MAP3K15: variants seen among roughly 807,000 people sequenced by gnomAD.
MAP3K15 encodes mitogen-activated protein kinase kinase kinase 15, also known as MAPK/ERK kinase kinase 15.
MAP3K15 carries 124 observed loss-of-function variants against 99.5 expected under a neutral mutation model. The observed-to-expected ratio is 1.25, with a 90% CI of 1.08 to 1.45. The LOEUF is 1.45. MAP3K15 is among the 40% of genes most tolerant of loss of function. The pLI, the probability that MAP3K15 is intolerant of heterozygous loss-of-function variation, is 0.00. For synonymous variants in MAP3K15, 494 were observed against 439.6 expected, an observed-to-expected ratio of 1.12 and a Z score of -1.55; for missense variants, 1,242 against 1,079.7, an observed-to-expected ratio of 1.15 and a Z score of -2.11.
chrX:19,425,685 G>C lies in MAP3K15; in HGVS notation c.1285C>G (p.Arg429Gly), dbSNP rs897128113. ...TTTCTTCCCAACAAACTGTTCAGCCGGACACCTTAAGAATTTGAATTTTTG... is the reference window on the plus strand; with the variant it reads ...TTTCTTCCCAACAAACTGTTCAGCCCGACACCTTAAGAATTTGAATTTTTG... ...TSLELRKIGV[R>G]LNSLLGRKGS... The change falls in exon 9 of 29, where the codon CGG (arginine) becomes GGG (glycine). Residue 429 changes from arginine (R) to glycine (G), a missense_variant. By Grantham distance (125) the Arg-to-Gly change is moderately radical. Transcript: ENST00000338883. 1.7e-5 allele frequency: 20 copies of C among 1,190,725 alleles called. No homozygotes were observed. Among genetic ancestry groups the C allele is most frequent in the Admixed American group, 6.7e-5 (3 of 44,905 alleles).
At chrX:19,395,302 TC>T in intron 15 of MAP3K15, 94 bp from the exon 16 acceptor site, 1 of 891,715 alleles carries the variant, frequency 1.1e-6, no homozygotes, top group Non-Finnish European at 1.6e-6. Context: ...CTGCTGCCCA[TC>T]CCTTCTTTCT....
intron 16 of MAP3K15, among the ~76,000 whole-genome samples, chrX:19,394,086 T>G (rs2063548210): frequency 9.0e-6 from 1 of 111,454 alleles, no homozygotes; most frequent in African/African-American, 3.3e-5. Context: ...TGCCTGGCTC[T>G]TAATAAATAT....
chrX:19,461,446 T>C (rs749567501), intron 4 of MAP3K15, among the ~76,000 whole-genome samples: 3 of 112,495 alleles, frequency 2.7e-5, no homozygotes, highest in African/African-American at 3.2e-5. Context: ...GGTGAGCAGC[T>C]AGATAAGCAC....
rs1206509226 is a variant in MAP3K15 at position 19,466,939 on chromosome X, T to C, written c.526-2533A>G. 2.7e-5 allele frequency among the ~76,000 whole-genome samples: 3 copies of C among 111,634 alleles called. No individual in the cohort carries two copies. In the East Asian group the frequency reaches 8.5e-4, roughly 32 times the overall value. ...GGACCACATATGGCCCAGGATGGCT[T>C]TGAATGTGGCCCAACACAAATTTGT... On this transcript the variant is annotated intron_variant, in intron 3 of 28. Transcript: ENST00000338883.
Position 19,361,000 on chromosome X carries a change from C to T in MAP3K15, c.3858-167G>A, listed in dbSNP as rs1241045421. On this transcript the variant is annotated intron_variant, in intron 28 of 28. Transcript: ENST00000338883. ...AGGACATGGCCTTAGAGGTACGTAC[C>T]TGCAGAGAGCTGGCTATTTCAAATG... The T allele has an allele frequency of 5.4e-5, 23 of 425,075 alleles. No homozygotes were observed. Among genetic ancestry groups the T allele is most frequent in the Non-Finnish European group, 8.1e-5 (20 of 248,241 alleles). The allele number at this position is 425,075 out of a possible 1,213,427, so 35.0% of individuals were successfully genotyped here.
intron 1 of MAP3K15, among the ~76,000 whole-genome samples, chrX:19,501,215 G>C (rs914153884): frequency 8.9e-6 from 1 of 111,802 alleles, no homozygotes; most frequent in Non-Finnish European, 1.9e-5. Context: ...CCAGCAGGGA[G>C]GGAGAAAGGG....
At chrX:19,511,560 GA>G (rs1411468146) in intron 1 of MAP3K15, among the ~76,000 whole-genome samples, 8 of 109,486 alleles carry the variant, frequency 7.3e-5, no homozygotes, top group East Asian at 5.7e-4. Flanking sequence ...ACAAACATAT[GA>G]AAAAAAAACC....
At chrX:19,436,908 C>T (rs891092642) in intron 6 of MAP3K15, among the ~76,000 whole-genome samples, 12 of 111,568 alleles carry the variant, frequency 1.1e-4, no homozygotes, top group African/African-American at 3.9e-4. Context: ...GAACTCCTGG[C>T]CTCAAGTGAT....
chrX:19,421,969 C>G (rs1328080177), intron 9 of MAP3K15, among the ~76,000 whole-genome samples: 1 of 110,538 alleles, frequency 9.0e-6, no homozygotes, highest in Non-Finnish European at 1.9e-5. Context: ...GGAAAACTGG[C>G]TAGCCATATG....
chrX:19,493,723 C>T (rs1402207061), intron 1 of MAP3K15, among the ~76,000 whole-genome samples: 3 of 111,518 alleles, frequency 2.7e-5, no homozygotes, highest in Non-Finnish European at 5.6e-5. Flanking sequence ...CCCCAGCAGG[C>T]AGGCAGGGCA....
At chrX:19,485,990 A>G (rs1285516308) in intron 3 of MAP3K15, among the ~76,000 whole-genome samples, 1 of 111,935 alleles carries the variant, frequency 8.9e-6, no homozygotes, top group Non-Finnish European at 1.9e-5. Context: ...AAATCAGGAG[A>G]CTTCAGTACA....
At chrX:19,481,160 A>G (rs759189890) in intron 3 of MAP3K15, among the ~76,000 whole-genome samples, 18 of 107,555 alleles carry the variant, frequency 1.7e-4, no homozygotes, top group Non-Finnish European at 2.7e-4. Context: ...TGGTATTAGC[A>G]TAAGAGTAGA....
chrX:19,506,929 A>G (rs2064481563), intron 1 of MAP3K15, among the ~76,000 whole-genome samples: 1 of 112,587 alleles, frequency 8.9e-6, no homozygotes, highest in African/African-American at 3.2e-5. Context: ...ACAGAAGGAA[A>G]AAACAAAAAT....
intron 18 of MAP3K15, among the ~76,000 whole-genome samples, chrX:19,382,244 C>CAAAAAA (rs1047109372): frequency 6.3e-5 from 2 of 31,565 alleles, no homozygotes; most frequent in African/African-American, 1.1e-4. Context: ...ACTCAGTCTC[C>CAAAAAA]AAAAAAAAAA....
chrX:19,470,193 C>T (rs989774475), intron 3 of MAP3K15, among the ~76,000 whole-genome samples: 1 of 111,642 alleles, frequency 9.0e-6, no homozygotes, highest in African/African-American at 3.3e-5. Context: ...AAATGTGGCA[C>T]ATATACACCA....
At chrX:19,372,204 T>A (rs2063380778) in intron 22 of MAP3K15, among the ~76,000 whole-genome samples, 1 of 110,153 alleles carries the variant, frequency 9.1e-6, no homozygotes, top group South Asian at 3.9e-4. Context: ...GGTTTGCCAG[T>A]CCTGTGCCCT....
In MAP3K15 at chrX:19,360,683, C is replaced by T. The variant is rs1030416947; in HGVS notation, c.*66G>A. The T allele has an allele frequency of 2.9e-5, 25 of 865,947 alleles. No homozygotes were observed. Among genetic ancestry groups the T allele is most frequent in the Non-Finnish European group, 4.2e-5 (25 of 590,543 alleles). 71.4% of individuals were successfully genotyped at this position (865,947 alleles called of 1,213,427 possible). On this transcript the variant is annotated 3_prime_UTR_variant, in exon 29 of 29. Coordinates refer to ENST00000338883, the MANE Select transcript of MAP3K15 (RefSeq NM_001001671.4). Reference sequence around the variant, plus strand: ...AAACACAGCGGAATTCGTGTATACACTAACAGAAGCTTTAACAAAACATGT... The same window carrying T: ...AAACACAGCGGAATTCGTGTATACATTAACAGAAGCTTTAACAAAACATGT...
chrX:19,437,017 C>G (rs761950744), intron 6 of MAP3K15, among the ~76,000 whole-genome samples: 1 of 112,198 alleles, frequency 8.9e-6, no homozygotes, highest in South Asian at 3.7e-4. Flanking sequence ...ACCTGTTCTT[C>G]TACAGTCTTC....
intron 6 of MAP3K15, among the ~76,000 whole-genome samples, chrX:19,450,833 A>G (rs2064031297): frequency 9.2e-6 from 1 of 109,211 alleles, no homozygotes; most frequent in Non-Finnish European, 1.9e-5. Flanking sequence ...TTTTTAAAAG[A>G]TAACATGTAT....
Sources: allele counts gnomAD v4.1 joint callset (sites outside exome capture counted in the v4.1 genomes callset), GRCh38; gene constraint gnomAD v4.1.1; transcripts MANE v1.5; gene names NCBI Gene and HGNC (gene_info 2026-07-23, HGNC 2026-07-21).